Variants in ASL observed in about 807,000 individuals in gnomAD.
ASL encodes the protein argininosuccinase.
ASL carries 51 observed loss-of-function variants against 69.1 expected under a neutral mutation model. The observed-to-expected ratio is 0.74, with a 90% CI of 0.59 to 0.93. ASL has a LOEUF of 0.93. ASL is among the 40% of genes least tolerant of loss of function. ASL has a pLI of 0.00. For missense variants in ASL, 540 were observed against 623.9 expected (o/e 0.87, Z 1.43); for synonymous variants, 241 against 247.6 (o/e 0.97, Z 0.25).
chr7:66,090,952 G>T (rs1786823452), intron 14 of ASL, among the ~76,000 whole-genome samples: 1 of 152,018 alleles, frequency 6.6e-6, no homozygotes, highest in Non-Finnish European at 1.5e-5. Flanking sequence ...ATAAAAATTA[G>T]CTGGGTGTGG....
At position 66,093,570 on chromosome 7, in the gene ASL, G is replaced by T; in HGVS notation, c.*658G>T. The T allele has an allele frequency of 6.4e-6, 1 of 155,510 alleles. No homozygotes were observed. Among genetic ancestry groups the T allele is most frequent in the Non-Finnish European group, 1.4e-5 (1 of 70,140 alleles). 9.6% of individuals were successfully genotyped at this position (155,510 alleles called of 1,614,324 possible). Reference sequence around the variant, plus strand: ...CATATTAAAAAAAACATGAATGAAAGCAAAAACAAAACAACTAGCCAAACT... The same window carrying T: ...CATATTAAAAAAAACATGAATGAAATCAAAAACAAAACAACTAGCCAAACT... On this transcript the variant is annotated 3_prime_UTR_variant, in exon 17 of 17. Coordinates refer to ENST00000304874, the MANE Select transcript of ASL (RefSeq NM_000048.4).
chr7:66,084,002 CTCT>C (rs1786587847), intron 6 of ASL, among the ~76,000 whole-genome samples: 2 of 152,200 alleles, frequency 1.3e-5, no homozygotes, highest in South Asian at 4.1e-4. Context: ...GAGACCCCTC[CTCT>C]TCCTCAACTC....
At chr7:66,076,222 C>G in intron 2 of ASL, 129 bp downstream of exon 2, 1 of 1,229,630 alleles carries the variant, frequency 8.1e-7, no homozygotes, top group African/African-American at 1.5e-5. Flanking sequence ...ACCTAGGAAG[C>G]CTGCACCCCC....
intron 2 of ASL, among the ~76,000 whole-genome samples, chr7:66,080,854 C>T (rs151070001): frequency 9.2e-5 from 14 of 152,188 alleles, no homozygotes; most frequent in African/African-American, 3.4e-4. Flanking sequence ...TTTTCAGAGC[C>T]AAGGGAGTGG....
At chr7:66,091,555 AG>A (rs1786842986) in intron 14 of ASL, among the ~76,000 whole-genome samples, 1 of 150,058 alleles carries the variant, frequency 6.7e-6, no homozygotes, top group Non-Finnish European at 1.5e-5. Context: ...GTCTCAAAAA[AG>A]CCCAAAACAA....
In ASL at chr7:66,086,798, G is replaced by T; in HGVS notation, c.579G>T (p.Arg193=). 1 of 1,587,152 alleles carries T rather than the reference G, an allele frequency of 6.3e-7. No homozygotes were observed. The highest frequency in any genetic ancestry group is 2.3e-5 in the East Asian group (1 of 43,570). ...DSERLLEVRK[R]INVLPLGSGA... is the part of the protein sequence containing the mutation. ...AGCGGCTGCTGGAGGTGCGGAAGCGGATCAATGTCCTGCCCCTGGGGAGGT... is the reference window on the plus strand; with the variant it reads ...AGCGGCTGCTGGAGGTGCGGAAGCGTATCAATGTCCTGCCCCTGGGGAGGT... The change falls in exon 8 of 17, where the codon CGG becomes CGT. Residue 193 remains arginine, a synonymous_variant. Coordinates refer to ENST00000304874, the MANE Select transcript of ASL (RefSeq NM_000048.4).
At chr7:66,089,724 C>T (rs1786790750) in intron 14 of ASL, 29 bp downstream of exon 14, 1 of 1,610,070 alleles carries the variant, frequency 6.2e-7, no homozygotes, top group African/African-American at 1.3e-5. Flanking sequence ...GCTTCTCCTC[C>T]CCTAGGTCCC....
intron 10 of ASL, among the ~76,000 whole-genome samples, chr7:66,088,527 A>G (rs1392307243): frequency 6.6e-6 from 1 of 152,128 alleles, no homozygotes; most frequent in African/African-American, 2.4e-5. Context: ...TGTGAGTGAT[A>G]ACTCAGTAAA....
chr7:66,090,356 C>G (rs1234791410), intron 14 of ASL, among the ~76,000 whole-genome samples: 1 of 152,168 alleles, frequency 6.6e-6, no homozygotes, highest in African/African-American at 2.4e-5. Flanking sequence ...TCACTGCAGC[C>G]TCAAACTCTT....
At chr7:66,078,331 G>A (rs150736091) in intron 2 of ASL, among the ~76,000 whole-genome samples, 3 of 152,202 alleles carry the variant, frequency 2.0e-5, no homozygotes, top group African/African-American at 7.2e-5. Flanking sequence ...AAGATGGGGT[G>A]GGGGCGGAGG....
chr7:66,080,316 G>T (rs1786464478), intron 2 of ASL, among the ~76,000 whole-genome samples: 1 of 149,326 alleles, frequency 6.7e-6, no homozygotes, highest in Non-Finnish European at 1.5e-5. Context: ...AATCTGGGAG[G>T]TGGAGCTTGC....
In ASL at chr7:66,089,094, G is replaced by A. The variant is rs543255240; in HGVS notation, c.837G>A (p.Thr279=). 1.2e-5 allele frequency: 19 copies of A among 1,613,852 alleles called. No homozygotes were observed. The African/African-American group carries it at 1.5e-4, about 12-fold the overall frequency. The change falls in exon 12 of 17, where the codon ACG becomes ACA. Residue 279 remains threonine, a synonymous_variant. Transcript: ENST00000304874. The part of the protein sequence containing the change: ...SFVQLSDAYS[T]GSSLMPQKKN... ...GCGCCAGCACCTCTGTCCCCAGCAC[G>A]GGAAGCAGCCTGATGCCCCAGAAGA...
At chr7:66,086,326 G>T (rs1584027251) in intron 6 of ASL, among the ~76,000 whole-genome samples, 1 of 152,218 alleles carries the variant, frequency 6.6e-6, no homozygotes, top group East Asian at 1.9e-4. Context: ...ACAGAGGCTG[G>T]ACTTGGGGTG....
intron 15 of ASL, 136 bp from the exon 16 acceptor site, chr7:66,092,421 A>T: frequency 4.7e-6 from 4 of 854,362 alleles, no homozygotes; most frequent in Non-Finnish European, 7.4e-6. Flanking sequence ...GCGCCACTGC[A>T]CTCCAGCCTG....
Position 66,082,384 on chromosome 7 carries a change from C to T in ASL, c.224C>T (p.Ala75Val). The T allele has an allele frequency of 6.2e-7, 1 of 1,612,376 alleles. No homozygotes were observed. Among genetic ancestry groups the T allele is most frequent in the Non-Finnish European group, 8.5e-7 (1 of 1,179,610 alleles). Reference sequence around the variant, plus strand: ...CCACTACAGGTGGCTGAGGAGTGGGCCCAGGGCACCTTCAAACTGAACTCC... The same window carrying T: ...CCACTACAGGTGGCTGAGGAGTGGGTCCAGGGCACCTTCAAACTGAACTCC... ...HGLDKVAEEW[A>V]QGTFKLNSND... is the part of the protein sequence containing the mutation. Residue 75 changes from alanine to valine, a missense_variant, in exon 4 of 17, where the codon GCC (alanine) becomes GTC (valine). Ala to Val is a moderately conservative substitution (Grantham distance 64, BLOSUM62 0). Coordinates refer to ENST00000304874, the MANE Select transcript of ASL (RefSeq NM_000048.4).
chr7:66,080,102 G>T (rs921634204), intron 2 of ASL, among the ~76,000 whole-genome samples: 4 of 151,748 alleles, frequency 2.6e-5, no homozygotes, highest in South Asian at 2.1e-4. Flanking sequence ...GAATTTAAAG[G>T]CCGGGTGTGG....
At chr7:66,078,104 C>T (rs957049394) in intron 2 of ASL, among the ~76,000 whole-genome samples, 1 of 152,228 alleles carries the variant, frequency 6.6e-6, no homozygotes, top group Non-Finnish European at 1.5e-5. Context: ...TTGGCTGCAG[C>T]TCCACTTATT....
rs535237668 is a variant in ASL, at chr7:66,089,345, C to T, written c.978+10C>T. On this transcript the variant is annotated intron_variant, in intron 13 of 16. Transcript: ENST00000304874. The stretch of plus-strand genomic sequence containing the variant: ...CAACAAAGACTTACAGGTGCGAGGC[C>T]GGGGGAGGCCTGGCTAGTACGTGCC... 22 of 1,598,852 alleles carry T rather than the reference C, an allele frequency of 1.4e-5. No individual in the cohort carries two copies. Among genetic ancestry groups the T allele is most frequent in the African/African-American group, 1.1e-4 (8 of 74,748 alleles).
At chr7:66,078,544 G>A (rs1046959920) in intron 2 of ASL, among the ~76,000 whole-genome samples, 6 of 152,180 alleles carry the variant, frequency 3.9e-5, no homozygotes, top group African/African-American at 1.4e-4. Flanking sequence ...ACCAGGCACC[G>A]TGTTATGTAT....
Sources: gnomAD v4.1 joint callset for allele counts (sites outside exome capture counted in the v4.1 genomes callset) on GRCh38, gnomAD v4.1.1 for gene constraint, MANE v1.5 for transcripts, NCBI Gene and HGNC (gene_info 2026-07-23, HGNC 2026-07-21) for gene names.